Variants in MMAA observed in about 807,000 individuals in gnomAD.
MMAA encodes the protein metabolism of cobalamin associated A, also known as methylmalonic aciduria type A protein, mitochondrial.
MMAA carries 41 observed loss-of-function variants against 45.0 expected under a neutral mutation model. The observed-to-expected ratio is 0.91, with a 90% CI of 0.71 to 1.18. The LOEUF is 1.18. Ranked by LOEUF, MMAA falls within the 50% of genes most tolerant of loss-of-function variation. The probability of loss-of-function intolerance (pLI) is 0.00; values close to 1 mark genes in which losing one functional copy is unlikely to be tolerated. For synonymous variants in MMAA, 154 were observed against 178.2 expected (o/e 0.86, Z 1.08); for missense variants, 460 against 495.7 (o/e 0.93, Z 0.68).
chr4:145,626,066 T>G (rs1560790690), intron 1 of MMAA: 1 of 941,114 alleles, frequency 1.1e-6, no homozygotes, highest in Non-Finnish European at 1.6e-6. Flanking sequence ...CCAGTGCCTC[T>G]CTGGGGCAGT....
chr4:145,640,981 A>T (rs1302814163), intron 2 of MMAA, among the ~76,000 whole-genome samples: 1 of 152,192 alleles, frequency 6.6e-6, no homozygotes, highest in African/African-American at 2.4e-5. Context: ...CTCACAGTTT[A>T]TTGGCAATGC....
chr4:145,636,759 A>G (rs140872023), intron 1 of MMAA, among the ~76,000 whole-genome samples: 90 of 152,334 alleles, frequency 5.9e-4, no homozygotes, highest in African/African-American at 1.9e-3. Flanking sequence ...GTCTGTGCCC[A>G]TGGCACTTTG....
chr4:145,633,166 C>T (rs530635673), intron 1 of MMAA, among the ~76,000 whole-genome samples: 1 of 146,948 alleles, frequency 6.8e-6, no homozygotes, highest in East Asian at 2.0e-4. Flanking sequence ...AATTCTGAAT[C>T]CTTTCTTGTG....
At chr4:145,628,772 GT>G (rs954569466) in intron 1 of MMAA, among the ~76,000 whole-genome samples, 1 of 152,092 alleles carries the variant, frequency 6.6e-6, no homozygotes, top group African/African-American at 2.4e-5. Flanking sequence ...AACATATGCT[GT>G]TTTTAAAAAA....
chr4:145,622,639 C>T (rs1223797260), intron 1 of MMAA, among the ~76,000 whole-genome samples: 1 of 152,106 alleles, frequency 6.6e-6, no homozygotes, highest in Non-Finnish European at 1.5e-5. Flanking sequence ...ATACAAAATT[C>T]ATCAATGCAA....
chr4:145,635,632 T>C (rs1292039069), intron 1 of MMAA, among the ~76,000 whole-genome samples: 1 of 152,214 alleles, frequency 6.6e-6, no homozygotes, highest in African/African-American at 2.4e-5. Context: ...TAGGAGGTAG[T>C]CATGGTAAGG....
At position 145,655,589 on chromosome 4, in the gene MMAA, T is replaced by C. The variant is rs1728208013; in HGVS notation, c.*155T>C. ...TTGAAAACTTGAAGGAAGTTAGATA[T>C]GAATGGCAAAAGTTAGGCAGTATTT... On this transcript the variant is annotated 3_prime_UTR_variant, in exon 7 of 7. Coordinates refer to ENST00000649156, the MANE Select transcript of MMAA (RefSeq NM_172250.3). The C allele has an allele frequency of 1.4e-6, 1 of 697,998 alleles. No homozygotes were observed. Among genetic ancestry groups the C allele is most frequent in the Admixed American group, 3.1e-5 (1 of 32,504 alleles). The allele number at this position is 697,998 out of a possible 1,614,324, so 43.2% of individuals were successfully genotyped here. A position where few individuals can be genotyped will look rare whatever the true frequency, so the allele number is the denominator to read the frequency against.
At chr4:145,631,784 T>G (rs1727448066) in intron 1 of MMAA, among the ~76,000 whole-genome samples, 1 of 152,168 alleles carries the variant, frequency 6.6e-6, no homozygotes, top group Non-Finnish European at 1.5e-5. Flanking sequence ...TTGCTTTTTA[T>G]TTTTTGTGTA....
At chr4:145,626,114 A>G in intron 1 of MMAA, 1 of 584,238 alleles carries the variant, frequency 1.7e-6, no homozygotes, top group Non-Finnish European at 3.0e-6. Context: ...ACGGCCCCAC[A>G]CAAACCTAGG....
In MMAA at chr4:145,651,084, T is replaced by C. The variant is rs781124654; in HGVS notation, c.756T>C (p.Ala252=). 12 of 1,614,082 alleles carry C rather than the reference T, an allele frequency of 7.4e-6. No homozygotes were observed. Among genetic ancestry groups the C allele is most frequent in the Non-Finnish European group, 9.3e-6 (11 of 1,180,024 alleles). ...ETVGVGQSEF[A]VADMVDMFVL... ...CAGGTGTGGGTCAGTCGGAGTTTGC[T>C]GTTGCTGACATGGTTGACATGTTTG... Residue 252 remains alanine (A), a synonymous_variant, in exon 5 of 7, where the codon GCT becomes GCC. Transcript: ENST00000649156.
In MMAA at chr4:145,639,322, A is replaced by C; in HGVS notation, c.183A>C (p.Leu61Phe). The part of the protein sequence containing the change: ...CTKWMLLSDG[L>F]KRKLCVQTTL... Reference sequence around the variant, plus strand: ...AGTGGATGCTGCTGTCAGATGGCTTAAAGAGAAAATTATGTGTACAAACAA... The same window carrying C: ...AGTGGATGCTGCTGTCAGATGGCTTCAAGAGAAAATTATGTGTACAAACAA... The change falls in exon 2 of 7, where the codon TTA becomes TTC. Residue 61 changes from leucine to phenylalanine, a missense_variant. Coordinates refer to ENST00000649156, the MANE Select transcript of MMAA (RefSeq NM_172250.3). 1 of 1,614,204 alleles carries C rather than the reference A, an allele frequency of 6.2e-7. No individual in the cohort carries two copies. The highest frequency in any genetic ancestry group is 8.5e-7 in the Non-Finnish European group (1 of 1,180,034).
intron 1 of MMAA, among the ~76,000 whole-genome samples, chr4:145,630,943 A>G (rs1420326310): frequency 1.3e-5 from 2 of 152,094 alleles, no homozygotes; most frequent in Non-Finnish European, 2.9e-5. Flanking sequence ...TAATTTCCAT[A>G]TATTTGTATA....
intron 1 of MMAA, among the ~76,000 whole-genome samples, chr4:145,633,245 C>G (rs1463825685): frequency 6.3e-5 from 8 of 127,254 alleles, no homozygotes; most frequent in Non-Finnish European, 9.3e-5. Flanking sequence ...GTTACCCAGG[C>G]TGGAATGCAG....
In MMAA at chr4:145,656,546, T is replaced by C. The variant is rs1728237318; in HGVS notation, c.*1112T>C. On this transcript the variant is annotated 3_prime_UTR_variant, in exon 7 of 7. Transcript: ENST00000649156. ...TGAAACTACAAACCTGATGTATAAT[T>C]TCAGTTTTCTCTCATGGTCTTGTTA... 6.6e-6 allele frequency: 1 copy of C among 151,820 alleles called. No homozygotes were observed. The highest frequency in any genetic ancestry group is 1.5e-5 in the Non-Finnish European group (1 of 68,010). 9.4% of individuals were successfully genotyped at this position (151,820 alleles called of 1,614,324 possible).
At chr4:145,651,920 A>T (rs1405153657) in intron 5 of MMAA, among the ~76,000 whole-genome samples, 1 of 152,176 alleles carries the variant, frequency 6.6e-6, no homozygotes, top group Admixed American at 6.5e-5. Flanking sequence ...TTGTGCTCCT[A>T]TGAGAATCAA....
At chr4:145,631,199 GT>G (rs1374384105) in intron 1 of MMAA, among the ~76,000 whole-genome samples, 1 of 152,138 alleles carries the variant, frequency 6.6e-6, no homozygotes, top group East Asian at 1.9e-4. Context: ...CCAATGTTTT[GT>G]TATTAATTTT....
At chr4:145,632,619 C>G (rs1335393083) in intron 1 of MMAA, among the ~76,000 whole-genome samples, 2 of 152,164 alleles carry the variant, frequency 1.3e-5, no homozygotes, top group East Asian at 1.9e-4. Flanking sequence ...CTCTTTTCCT[C>G]TTTAAGGCCA....
At chr4:145,620,257 T>A (rs936392282) in intron 1 of MMAA, among the ~76,000 whole-genome samples, 1 of 152,194 alleles carries the variant, frequency 6.6e-6, no homozygotes, top group East Asian at 1.9e-4. Context: ...AAGGACAGGT[T>A]TTTTAAGGGC....
chr4:145,638,263 G>C lies in MMAA; in HGVS notation c.-65-812G>C, dbSNP rs561336600. 3.9e-3 allele frequency among the ~76,000 whole-genome samples: 587 copies of C among 152,276 alleles called. 11 individuals are homozygous for C. The highest frequency in any genetic ancestry group is 0.036 in the South Asian group (175 of 4,822). ...AGGTGCCTGTAGTCCCAGCTACTCG[G>C]GAGACTGAGGCAGGAGAATGGCGTG... On this transcript the variant is annotated intron_variant, in intron 1 of 6. Coordinates refer to ENST00000649156, the MANE Select transcript of MMAA (RefSeq NM_172250.3).
Sources: gnomAD v4.1 joint callset for allele counts (sites outside exome capture counted in the v4.1 genomes callset) on GRCh38, gnomAD v4.1.1 for gene constraint, MANE v1.5 for transcripts, NCBI Gene and HGNC (gene_info 2026-07-23, HGNC 2026-07-21) for gene names.